TEAD1: variants seen among roughly 807,000 people sequenced by gnomAD.
The protein encoded by TEAD1 is TEA domain transcription factor 1.
TEAD1 carries 9 observed loss-of-function variants against 54.9 expected under a neutral mutation model. That is an observed-to-expected ratio of 0.16 (90% confidence interval 0.10 to 0.29). TEAD1 has a LOEUF of 0.29. Among genes scored for constraint, TEAD1 ranks in the 10% least tolerant of loss-of-function variants. The probability of loss-of-function intolerance (pLI) is 1.00; values close to 1 mark genes in which losing one functional copy is unlikely to be tolerated. For synonymous variants in TEAD1, 200 were observed against 187.8 expected (o/e 1.07, Z -0.53); for missense variants, 387 against 535.9 (o/e 0.72, Z 2.74).
In TEAD1 at chr11:12,715,493, G is replaced by A. The variant is rs541283362; in HGVS notation, c.-55+39932G>A. ...CTGGTTGCCTTCGTTTCACCTGGGT[G>A]GGGGGCCCAGGTGTTCTGCTCCTGG... On this transcript the variant is annotated intron_variant, in intron 2 of 12. Transcript: ENST00000527636. 9.6e-4 allele frequency among the ~76,000 whole-genome samples: 146 copies of A among 152,224 alleles called. 1 individual carries two copies. Among genetic ancestry groups the A allele is most frequent in the African/African-American group, 3.4e-3 (142 of 41,560 alleles).
intron 3 of TEAD1, among the ~76,000 whole-genome samples, chr11:12,798,411 G>T (rs1340491797): frequency 1.3e-5 from 2 of 152,150 alleles, no homozygotes; most frequent in Non-Finnish European, 1.5e-5. Flanking sequence ...ATGTGCTGGT[G>T]TTCTATTTCC....
At chr11:12,899,888 C>T (rs1948391897) in intron 9 of TEAD1, among the ~76,000 whole-genome samples, 1 of 152,198 alleles carries the variant, frequency 6.6e-6, no homozygotes, top group Non-Finnish European at 1.5e-5. Context: ...ATATGCAACA[C>T]TGGCATCAGA....
chr11:12,869,140 G>T (rs1442108234), intron 5 of TEAD1, among the ~76,000 whole-genome samples: 5 of 152,172 alleles, frequency 3.3e-5, no homozygotes, highest in Non-Finnish European at 5.9e-5. Flanking sequence ...GAGGAGAAGG[G>T]ATTCATCTGT....
chr11:12,909,469 A>G (rs1296609258), intron 10 of TEAD1, among the ~76,000 whole-genome samples: 3 of 145,870 alleles, frequency 2.1e-5, no homozygotes, highest in African/African-American at 8.2e-5. Flanking sequence ...GTGGGAGTTG[A>G]ACAATGAGAA....
rs75386959 is a variant in TEAD1 at position 12,683,321 on chromosome 11, G to A, written c.-55+7760G>A. Among the ~76,000 whole-genome samples the A allele has an allele frequency of 7.8e-3, 1,186 of 152,276 alleles. 11 individuals carry two copies. The highest frequency in any genetic ancestry group is 0.021 in the African/African-American group (859 of 41,550). On this transcript the variant is annotated intron_variant, in intron 2 of 12. Coordinates refer to ENST00000527636, the MANE Select transcript of TEAD1 (RefSeq NM_021961.6). ...GGTTAGTGAAATGTTGAAACAACAC[G>A]TTTGCATCTCTAGTCCTAAGGATCT...
chr11:12,778,566 C>T (rs1252889266), intron 3 of TEAD1, among the ~76,000 whole-genome samples: 3 of 141,658 alleles, frequency 2.1e-5, no homozygotes, highest in Non-Finnish European at 4.5e-5. Context: ...GTAGTAAGCA[C>T]TGTCAGGCTC....
intron 3 of TEAD1, among the ~76,000 whole-genome samples, chr11:12,836,101 T>C (rs534976067): frequency 8.5e-5 from 13 of 152,262 alleles, no homozygotes; most frequent in African/African-American, 2.6e-4. Context: ...CACAAATTTA[T>C]CTGTCAGTTA....
chr11:12,843,283 A>G (rs1947076410), intron 3 of TEAD1, among the ~76,000 whole-genome samples: 1 of 152,202 alleles, frequency 6.6e-6, no homozygotes, highest in African/African-American at 2.4e-5. Flanking sequence ...ATCCCCTCAG[A>G]TTGGAAAAGA....
intron 3 of TEAD1, among the ~76,000 whole-genome samples, chr11:12,793,845 A>G (rs1369040254): frequency 2.0e-5 from 3 of 152,156 alleles, no homozygotes; most frequent in African/African-American, 7.2e-5. Context: ...TCACTTTCTC[A>G]TTGTGATCTG....
In TEAD1 at chr11:12,944,224, T is replaced by C. The variant is rs557181135; in HGVS notation, c.*7002T>C. The C allele has an allele frequency of 7.2e-5, 11 of 152,632 alleles. No homozygotes were observed. Among genetic ancestry groups the C allele is most frequent in the African/African-American group, 2.6e-4 (11 of 41,530 alleles). 9.5% of individuals were successfully genotyped at this position (152,632 alleles called of 1,614,324 possible). Reference sequence around the variant, plus strand: ...GGTAACTGGGTTCCTCTTGGGTAGATTGGAGAGATGGGGGTGGGCGTGGGC... The same window carrying C: ...GGTAACTGGGTTCCTCTTGGGTAGACTGGAGAGATGGGGGTGGGCGTGGGC... On this transcript the variant is annotated 3_prime_UTR_variant, in exon 13 of 13. Transcript: ENST00000527636.
chr11:12,879,648 G>A (rs747186688), intron 5 of TEAD1, 60 bp from the exon 6 acceptor site: 1 of 1,612,350 alleles, frequency 6.2e-7, no homozygotes, highest in Non-Finnish European at 8.5e-7. Context: ...CTGTGCCTGT[G>A]TAACCTGCCT....
intron 2 of TEAD1, among the ~76,000 whole-genome samples, chr11:12,684,982 C>G (rs1003539916): frequency 6.6e-6 from 1 of 152,132 alleles, no homozygotes; most frequent in Non-Finnish European, 1.5e-5. Context: ...GGTGATAGAA[C>G]CTTGTGTTTT....
chr11:12,760,251 A>T (rs1478587259), intron 2 of TEAD1, among the ~76,000 whole-genome samples: 1 of 152,226 alleles, frequency 6.6e-6, no homozygotes, highest in Non-Finnish European at 1.5e-5. Flanking sequence ...ATCTTACTAA[A>T]TCTTTATGGC....
intron 3 of TEAD1, among the ~76,000 whole-genome samples, chr11:12,834,710 C>T (rs1459510938): frequency 2.0e-5 from 3 of 150,630 alleles, no homozygotes; most frequent in Non-Finnish European, 2.9e-5. Flanking sequence ...GATCATCCTG[C>T]CTCAGCCTCC....
rs953412387 is a variant in TEAD1 at position 12,813,386 on chromosome 11, C to T, written c.203-48864C>T. Among the ~76,000 whole-genome samples, 5 of 152,206 alleles carry T rather than the reference C, an allele frequency of 3.3e-5. 1 individual carries two copies. The highest frequency in any genetic ancestry group is 7.3e-5 in the Non-Finnish European group (5 of 68,038). On this transcript the variant is annotated intron_variant, in intron 3 of 12. Coordinates refer to ENST00000527636, the MANE Select transcript of TEAD1 (RefSeq NM_021961.6). The stretch of plus-strand genomic sequence containing the variant: ...TTAGGGGATCGCCGGGACAGAAAAG[C>T]TGCTGAGGTGGGATGAGCACTGTGG...
chr11:12,852,605 G>A (rs925411238), intron 3 of TEAD1, among the ~76,000 whole-genome samples: 12 of 151,974 alleles, frequency 7.9e-5, no homozygotes, highest in African/African-American at 1.7e-4. Flanking sequence ...GTGCCACCAC[G>A]TCAGGCTAAT....
chr11:12,938,855 C>T lies in TEAD1; in HGVS notation c.*1633C>T, dbSNP rs1341730616. 1.3e-5 allele frequency: 2 copies of T among 152,220 alleles called. No individual in the cohort carries two copies. Among genetic ancestry groups the T allele is most frequent in the Non-Finnish European group, 2.9e-5 (2 of 68,050 alleles). 9.4% of individuals were successfully genotyped at this position (152,220 alleles called of 1,614,324 possible). ...TTTTTGTAAGTGGTAGGAACATGTG[C>T]ACACAATAGAACATGAAATAAGTTT... On this transcript the variant is annotated 3_prime_UTR_variant, in exon 13 of 13. Coordinates refer to ENST00000527636, the MANE Select transcript of TEAD1 (RefSeq NM_021961.6).
chr11:12,718,021 TGTG>T (rs764451969), intron 2 of TEAD1, among the ~76,000 whole-genome samples: 4 of 152,288 alleles, frequency 2.6e-5, no homozygotes, highest in Middle Eastern at 3.4e-3. Flanking sequence ...TTCTTGTGGT[TGTG>T]GTGGTGGTGG....
Position 12,814,777 on chromosome 11 carries a change from CTG to C in TEAD1, c.203-47411_203-47410del, listed in dbSNP as rs397842274. ...AGCCACCCCTGACCATCGCAGAGCT[CTG>C]TGTGTGTGTGTGTGTGTGTGTGTGT... On this transcript the variant is annotated intron_variant, in intron 3 of 12. Transcript: ENST00000527636. Among the ~76,000 whole-genome samples, 843 of 106,014 alleles carry C rather than the reference CTG, an allele frequency of 8.0e-3. 5 individuals carry two copies. The highest frequency in any genetic ancestry group is 0.018 in the African/African-American group (541 of 29,288). 69.5% of individuals were successfully genotyped at this position (106,014 alleles called of 152,430 possible). A position where few individuals can be genotyped will look rare whatever the true frequency, so the allele number is the denominator to read the frequency against.
Sources: gnomAD v4.1 joint callset for allele counts (sites outside exome capture counted in the v4.1 genomes callset) on GRCh38, gnomAD v4.1.1 for gene constraint, MANE v1.5 for transcripts, NCBI Gene and HGNC (gene_info 2026-07-23, HGNC 2026-07-21) for gene names.